Variants in RBM19 observed in about 807,000 individuals in gnomAD.
RBM19 encodes RNA binding motif protein 19, also known as probable RNA-binding protein 19.
A neutral mutation model predicts 116.8 loss-of-function variants in RBM19; 94 were observed. That is an observed-to-expected ratio of 0.80 (90% CI 0.68 to 0.95). The LOEUF is 0.95. RBM19 is among the 40% of genes least tolerant of loss of function. The pLI is 0.00. For synonymous variants in RBM19, 475 were observed against 494.1 expected, an observed-to-expected ratio of 0.96 and a Z score of 0.51; for missense variants, 1,161 against 1,220.7, an observed-to-expected ratio of 0.95 and a Z score of 0.73.
intron 21 of RBM19, among the ~76,000 whole-genome samples, chr12:113,889,889 G>C (rs899572936): frequency 4.7e-5 from 7 of 149,458 alleles, no homozygotes; most frequent in African/African-American, 1.7e-4. Context: ...TCAAGCTGAG[G>C]GGGAAAAAAA....
intron 19 of RBM19, 127 bp from the exon 20 acceptor site, chr12:113,918,574 A>G: frequency 1.1e-6 from 1 of 925,588 alleles, no homozygotes; most frequent in Admixed American, 2.3e-5. Flanking sequence ...GAGTGGGGCT[A>G]GCTGGTCTAG....
chr12:113,864,943 C>G (rs1032346399), intron 21 of RBM19, among the ~76,000 whole-genome samples: 1 of 152,082 alleles, frequency 6.6e-6, no homozygotes, highest in Non-Finnish European at 1.5e-5. Context: ...TCATGAATAT[C>G]TGTCAGTCAT....
chr12:113,858,294 C>T (rs2135740349), intron 22 of RBM19, among the ~76,000 whole-genome samples: 1 of 152,370 alleles, frequency 6.6e-6, no homozygotes, highest in Non-Finnish European at 1.5e-5. Context: ...GCTGCACCTG[C>T]AGGGGCTGCC....
intron 18 of RBM19, among the ~76,000 whole-genome samples, chr12:113,922,602 C>A (rs905919438): frequency 6.6e-6 from 1 of 151,260 alleles, no homozygotes; most frequent in East Asian, 1.9e-4. Context: ...CCATCCTGGA[C>A]TTCAGCAATA....
intron 18 of RBM19, among the ~76,000 whole-genome samples, chr12:113,921,432 GT>G (rs1296356997): frequency 6.6e-6 from 1 of 152,032 alleles, no homozygotes; most frequent in East Asian, 1.9e-4. Flanking sequence ...TATTTGTTAG[GT>G]TTCTTCTTTA....
intron 21 of RBM19, among the ~76,000 whole-genome samples, chr12:113,908,443 C>T (rs1459886561): frequency 1.3e-5 from 2 of 151,978 alleles, no homozygotes; most frequent in African/African-American, 4.8e-5. Flanking sequence ...ACGTTGCCCA[C>T]AAAGCAGGCA....
downstream of RBM19, chr12:113,817,254 C>A (rs939978834): frequency 6.6e-6 from 1 of 152,294 alleles, no homozygotes; most frequent in Admixed American, 6.5e-5. Context: ...CCTGCGTCCA[C>A]GCAGCAGGGA....
chr12:113,849,098 C>T (rs986305262), intron 22 of RBM19, among the ~76,000 whole-genome samples: 4 of 152,242 alleles, frequency 2.6e-5, no homozygotes, highest in Non-Finnish European at 5.9e-5. Context: ...CTTACACAGA[C>T]GGCCCAGGGA....
chr12:113,902,080 C>CA (rs1881736652), intron 21 of RBM19, among the ~76,000 whole-genome samples: 1 of 152,178 alleles, frequency 6.6e-6, no homozygotes, highest in African/African-American at 2.4e-5. Context: ...ACAATATCAT[C>CA]ATCAGAAAAT....
intron 21 of RBM19, among the ~76,000 whole-genome samples, chr12:113,872,478 G>C (rs1251288007): frequency 4.9e-5 from 7 of 141,706 alleles, no homozygotes; most frequent in Non-Finnish European, 7.8e-5. Flanking sequence ...TGGGAGGTGG[G>C]GAGCCCCTCT....
At chr12:113,875,042 G>A (rs1033971990) in intron 21 of RBM19, among the ~76,000 whole-genome samples, 5 of 152,238 alleles carry the variant, frequency 3.3e-5, no homozygotes, top group Non-Finnish European at 7.3e-5. Flanking sequence ...TGTCAACCAG[G>A]AGATGACAGC....
At chr12:113,819,821 C>T (rs771991817), downstream of RBM19, among the ~76,000 whole-genome samples, 4 of 152,194 alleles carry the variant, frequency 2.6e-5, no homozygotes, top group Non-Finnish European at 5.9e-5. Context: ...CTCCTCTGGG[C>T]CAGGCAAATG....
rs1043621882 is a variant in RBM19, at chr12:113,843,642, C to T, written c.2785+1026G>A. On this transcript the variant is annotated intron_variant, in intron 23 of 23. Transcript: ENST00000261741. ...GTGGAAGCACTTCTGTGATGGGAGG[C>T]GGAGGTGTGGAGATGGGGATCAAGG... Among the ~76,000 whole-genome samples, 5 of 152,142 alleles carry T rather than the reference C, an allele frequency of 3.3e-5. No individual in the cohort carries two copies. In the South Asian group the frequency reaches 8.3e-4, roughly 25 times the overall value.
intron 1 of RBM19, 135 bp downstream of exon 1, chr12:113,966,057 C>G: frequency 1.0e-6 from 1 of 956,682 alleles, no homozygotes; most frequent in Non-Finnish European, 1.6e-6. Flanking sequence ...GGATCCCGCC[C>G]CCTTTGAGTT....
At chr12:113,830,998 C>G (rs773707979) in intron 23 of RBM19, among the ~76,000 whole-genome samples, 2 of 152,136 alleles carry the variant, frequency 1.3e-5, no homozygotes, top group East Asian at 3.9e-4. Flanking sequence ...GGGGAGACTA[C>G]AGGGAGGGCT....
chr12:113,913,845 C>T (rs540440482), intron 21 of RBM19, among the ~76,000 whole-genome samples: 86 of 152,288 alleles, frequency 5.6e-4, no homozygotes, highest in African/African-American at 6.5e-4. Flanking sequence ...GCAGGTCCCC[C>T]GAGCAGTCCT....
chr12:113,926,098 C>T (rs1029251199), intron 17 of RBM19, among the ~76,000 whole-genome samples: 2 of 152,108 alleles, frequency 1.3e-5, no homozygotes, highest in South Asian at 2.1e-4. Context: ...GGTAAGGGGA[C>T]AGTCACATCA....
intron 21 of RBM19, among the ~76,000 whole-genome samples, chr12:113,868,527 C>A (rs1879000984): frequency 6.6e-6 from 1 of 152,192 alleles, no homozygotes; most frequent in African/African-American, 2.4e-5. Context: ...CAGAGTTCAG[C>A]AAGCTTTTCT....
intron 21 of RBM19, among the ~76,000 whole-genome samples, chr12:113,875,957 T>C (rs1879642074): frequency 6.6e-6 from 1 of 150,398 alleles, no homozygotes; most frequent in Non-Finnish European, 1.5e-5. Flanking sequence ...TGGGGAAGTG[T>C]GGTCACAGCT....
Sources: gnomAD v4.1 joint callset for allele counts (sites outside exome capture counted in the v4.1 genomes callset) on GRCh38, gnomAD v4.1.1 for gene constraint, MANE v1.5 for transcripts, NCBI Gene and HGNC (gene_info 2026-07-23, HGNC 2026-07-21) for gene names.